The following SHTN1 variants were observed in gnomAD, a reference collection of about 807,000 sequenced individuals.
SHTN1 encodes shootin 1, also known as shootin-1.
A neutral mutation model predicts 83.1 loss-of-function variants in SHTN1; 42 were observed. That is an observed-to-expected ratio of 0.51 (90% CI 0.39 to 0.65). The LOEUF (loss-of-function observed/expected upper bound fraction) is 0.65, where lower values mean the gene tolerates loss of function less well. Among genes scored for constraint, SHTN1 ranks in the 30% least tolerant of loss-of-function variants. The probability of loss-of-function intolerance (pLI) is 0.00; values close to 1 mark genes in which losing one functional copy is unlikely to be tolerated. For missense variants in SHTN1, 622 were observed against 737.8 expected, an observed-to-expected ratio of 0.84 and a Z score of 1.82; for synonymous variants, 224 against 247.7, an observed-to-expected ratio of 0.90 and a Z score of 0.90.
chr10:116,976,185 A>G (rs971690843), intron 2 of SHTN1, among the ~76,000 whole-genome samples: 2 of 151,820 alleles, frequency 1.3e-5, no homozygotes, highest in African/African-American at 4.8e-5. Flanking sequence ...TGTGTAGAGC[A>G]TGAGACAGGG....
At chr10:116,944,067 G>A (rs1434224463) in intron 8 of SHTN1, among the ~76,000 whole-genome samples, 1 of 152,196 alleles carries the variant, frequency 6.6e-6, no homozygotes, top group African/African-American at 2.4e-5. Context: ...ACATGGCAGT[G>A]TTCCACAGCC....
intron 2 of SHTN1, among the ~76,000 whole-genome samples, chr10:116,972,054 C>T (rs797005878): frequency 6.6e-6 from 1 of 152,268 alleles, no homozygotes; most frequent in East Asian, 1.9e-4. Flanking sequence ...ACTAGTTGCC[C>T]AGAAGAAAAA....
chr10:116,930,859 G>A (rs1037894241), intron 9 of SHTN1, among the ~76,000 whole-genome samples: 10 of 151,986 alleles, frequency 6.6e-5, no homozygotes, highest in African/African-American at 1.2e-4. Flanking sequence ...GTGTTTAAGC[G>A]TCCCATTTCT....
chr10:116,981,131 CA>C (rs1851003402), intron 1 of SHTN1, among the ~76,000 whole-genome samples: 1 of 152,038 alleles, frequency 6.6e-6, no homozygotes, highest in Non-Finnish European at 1.5e-5. Flanking sequence ...CCAGCCTGGC[CA>C]ACACAGCAAA....
chr10:117,004,061 A>G (rs1388210617), intron 1 of SHTN1, among the ~76,000 whole-genome samples: 1 of 151,630 alleles, frequency 6.6e-6, no homozygotes, highest in Non-Finnish European at 1.5e-5. Context: ...CTAATTTTGT[A>G]TTTTTAGTAG....
intron 15 of SHTN1, among the ~76,000 whole-genome samples, chr10:116,903,757 A>T (rs2133329446): frequency 6.6e-6 from 1 of 152,356 alleles, no homozygotes; most frequent in Admixed American, 6.5e-5. Context: ...TGTAAGAAAG[A>T]TCTGCTTCTG....
chr10:117,032,627 A>C (rs1363122117), intron 2 of SHTN1, among the ~76,000 whole-genome samples: 1 of 152,228 alleles, frequency 6.6e-6, no homozygotes, highest in Admixed American at 6.5e-5. Flanking sequence ...CACTTTCAGC[A>C]CTGGACAGAT....
At chr10:117,058,611 C>T (rs896103617) in intron 1 of SHTN1, among the ~76,000 whole-genome samples, 2 of 152,102 alleles carry the variant, frequency 1.3e-5, no homozygotes, top group South Asian at 2.1e-4. Context: ...TTATGAAAAA[C>T]GATATGGCAG....
chr10:116,967,294 A>G (rs1377149653), intron 3 of SHTN1, among the ~76,000 whole-genome samples: 2 of 152,228 alleles, frequency 1.3e-5, no homozygotes, highest in Non-Finnish European at 1.5e-5. Context: ...ATTACATAAA[A>G]AAAATAGCAA....
chr10:117,051,778 A>G (rs1297244126), intron 1 of SHTN1, among the ~76,000 whole-genome samples: 1 of 151,646 alleles, frequency 6.6e-6, no homozygotes, highest in East Asian at 1.9e-4. Flanking sequence ...AGGTTAAAGG[A>G]CATTCATGAA....
At chr10:116,935,235 CAT>C (rs1564884961) in intron 9 of SHTN1, among the ~76,000 whole-genome samples, 1 of 152,208 alleles carries the variant, frequency 6.6e-6, no homozygotes, top group Non-Finnish European at 1.5e-5. Flanking sequence ...GCATCCTTGT[CAT>C]GTGCCAGTTT....
intron 7 of SHTN1, 51 bp from the exon 8 acceptor site, chr10:116,945,069 A>C: frequency 6.7e-6 from 7 of 1,049,740 alleles, no homozygotes; most frequent in Non-Finnish European, 1.0e-5. Context: ...CACACAAATA[A>C]TCAGGAATAT....
chr10:117,048,459 C>T (rs1852698690), exon 2 of SHTN1: 1 of 985,154 alleles, frequency 1.0e-6, no homozygotes, highest in Non-Finnish European at 1.2e-6. Flanking sequence ...TTCTCTGAGG[C>T]AGACTTCATC....
At chr10:117,073,710 C>A in intron 1 of SHTN1, among the ~76,000 whole-genome samples, 1 of 152,220 alleles carries the variant, frequency 6.6e-6, no homozygotes, top group East Asian at 1.9e-4. Context: ...AACCCTGAGG[C>A]TACTGGCTGG....
At chr10:117,009,093 C>A (rs1852063677), upstream of SHTN1, among the ~76,000 whole-genome samples, 1 of 151,768 alleles carries the variant, frequency 6.6e-6, no homozygotes, top group Admixed American at 6.6e-5. Context: ...CCAGCCTGGG[C>A]AACAAGAGCA....
At chr10:116,900,396 A>T in intron 16 of SHTN1, 4 of 715,896 alleles carry the variant, frequency 5.6e-6, no homozygotes, top group Non-Finnish European at 9.4e-6. Flanking sequence ...GATCCTTTTC[A>T]CTGTCAATTC....
intron 1 of SHTN1, among the ~76,000 whole-genome samples, chr10:117,053,033 A>AAAAAGAG (rs1852772636): frequency 2.1e-5 from 3 of 144,784 alleles, no homozygotes; most frequent in African/African-American, 7.5e-5. Flanking sequence ...AAAAAAAAGA[A>AAAAAGAG]TTAAGAATTA....
At chr10:116,967,867 T>G (rs1253721160) in intron 3 of SHTN1, among the ~76,000 whole-genome samples, 2 of 152,234 alleles carry the variant, frequency 1.3e-5, no homozygotes, top group Admixed American at 1.3e-4. Context: ...TATCCTATAA[T>G]GGAATACTAT....
intron 1 of SHTN1, among the ~76,000 whole-genome samples, chr10:116,995,900 GCTAT>G (rs1359882013): frequency 6.6e-6 from 1 of 152,142 alleles, no homozygotes; most frequent in Admixed American, 6.5e-5. Context: ...AGGGAAGAGA[GCTAT>G]CTATCTAAGA....
Sources: gnomAD v4.1 joint callset for allele counts (sites outside exome capture counted in the v4.1 genomes callset) on GRCh38, gnomAD v4.1.1 for gene constraint, MANE v1.5 for transcripts, NCBI Gene and HGNC (gene_info 2026-07-23, HGNC 2026-07-21) for gene names.